The following NEDD9 variants were observed in gnomAD, a reference collection of about 807,000 sequenced individuals.
NEDD9 encodes the protein neural precursor cell expressed, developmentally down-regulated 9.
Under a neutral mutation model 76.6 loss-of-function variants are expected in NEDD9, and 26 were observed. The ratio of observed to expected loss-of-function variants is 0.34; its 90% CI spans 0.25 to 0.47. The LOEUF (loss-of-function observed/expected upper bound fraction) is 0.47. NEDD9 is among the 20% of genes least tolerant of loss of function. NEDD9 has a pLI of 1.00. For missense variants in NEDD9, 937 were observed against 1,058.5 expected (o/e 0.89, Z 1.59); for synonymous variants, 392 against 414.2 (o/e 0.95, Z 0.65).
At position 11,213,387 on chromosome 6, in the gene NEDD9, T is replaced by A. The variant is rs1383592361; in HGVS notation, c.353A>T (p.Tyr118Phe). The A allele has an allele frequency of 6.2e-7, 1 of 1,613,914 alleles. No homozygotes were observed. Among genetic ancestry groups the A allele is most frequent in the Non-Finnish European group, 8.5e-7 (1 of 1,180,014 alleles). Residue 118 changes from tyrosine (Y) to phenylalanine (F), a missense_variant, in exon 2 of 7, where the codon TAC becomes TTC. Coordinates refer to ENST00000379446, the MANE Select transcript of NEDD9 (RefSeq NM_006403.4). This position sits in a 1 kb window ranked among gnomAD's most constrained non-coding sequence, Gnocchi z 5.4. ...VPPSYQNQGIYQVPTGHGTQE... is the reference protein window; with the variant it reads ...VPPSYQNQGIFQVPTGHGTQE... ...GGTGCCGTGGCCAGTGGGGACTTGG[T>A]AAATTCCCTGATTTTGGTAGGAAGG...
At chr6:11,362,233 A>G (rs189572531) in intron 1 of NEDD9, among the ~76,000 whole-genome samples, 5 of 152,338 alleles carry the variant, frequency 3.3e-5, no homozygotes, top group East Asian at 1.9e-4. Context: ...TCTGCAACCC[A>G]GAGGAGGGCC....
rs76837826 is a variant in NEDD9, at chr6:11,194,359, G to A, written c.460-667C>T. 7.9e-3 allele frequency among the ~76,000 whole-genome samples: 1,203 copies of A among 152,268 alleles called. 11 individuals carry two copies. The highest frequency in any genetic ancestry group is 0.027 in the African/African-American group (1,121 of 41,558). On this transcript the variant is annotated intron_variant, in intron 2 of 6. Transcript: ENST00000379446. The stretch of plus-strand genomic sequence containing the variant: ...AGGAGCATTTTGCATCTAAAGTACC[G>A]CATACTGAAATTTGCTTTAAGGCTC...
chr6:11,203,109 G>C (rs3798738), intron 2 of NEDD9, among the ~76,000 whole-genome samples: 31,540 of 152,162 alleles, frequency 0.21, 3,621 homozygotes, highest in African/African-American at 0.27. Context: ...AAGCACCAGC[G>C]AGCAGCTAGA....
At chr6:11,299,970 C>A (rs1760999834) in intron 3 of NEDD9, among the ~76,000 whole-genome samples, 1 of 152,168 alleles carries the variant, frequency 6.6e-6, no homozygotes, top group Non-Finnish European at 1.5e-5. Flanking sequence ...AGGATTGCAG[C>A]CCCTCACCAG....
intron 1 of NEDD9, among the ~76,000 whole-genome samples, chr6:11,344,064 T>G (rs1479289418): frequency 6.6e-6 from 1 of 152,194 alleles, no homozygotes; most frequent in African/African-American, 2.4e-5. Context: ...TAGGCTGCTA[T>G]CTATCACCAA....
chr6:11,235,070 G>A (rs1055931519), upstream of NEDD9, among the ~76,000 whole-genome samples: 4 of 152,064 alleles, frequency 2.6e-5, no homozygotes, highest in Non-Finnish European at 5.9e-5. This position sits in a 1 kb window ranked among gnomAD's most constrained non-coding sequence, Gnocchi z 4.1. Context: ...AATAATACCT[G>A]CTAGCCTCAT....
chr6:11,294,574 G>T (rs764194193), intron 3 of NEDD9, among the ~76,000 whole-genome samples: 6 of 152,120 alleles, frequency 3.9e-5, no homozygotes, highest in Non-Finnish European at 5.9e-5. Context: ...TGTACCGCCT[G>T]CAGAACTGTG....
intron 2 of NEDD9, among the ~76,000 whole-genome samples, chr6:11,322,183 G>A (rs373761986): frequency 5.9e-5 from 9 of 152,126 alleles, no homozygotes; most frequent in East Asian, 1.9e-4. Flanking sequence ...TTGGTGGGCC[G>A]GGGGCAAGGG....
intron 2 of NEDD9, among the ~76,000 whole-genome samples, chr6:11,202,298 A>T (rs1287641297): frequency 6.6e-6 from 1 of 150,824 alleles, no homozygotes; most frequent in Non-Finnish European, 1.5e-5. Flanking sequence ...AAGAGTGTTT[A>T]GCTTTCCAAA....
chr6:11,329,766 G>T (rs541808865), intron 2 of NEDD9, among the ~76,000 whole-genome samples: 1 of 152,184 alleles, frequency 6.6e-6, no homozygotes, highest in South Asian at 2.1e-4. Context: ...TGGGTGGGGG[G>T]GGCGGTGGCT....
chr6:11,351,830 C>T (rs1483528864), intron 1 of NEDD9, among the ~76,000 whole-genome samples: 1 of 152,242 alleles, frequency 6.6e-6, no homozygotes, highest in African/African-American at 2.4e-5. Context: ...ATGTTCTTCT[C>T]TTGTTCATCT....
At position 11,196,297 on chromosome 6, in the gene NEDD9, C is replaced by G. The variant is rs577024516; in HGVS notation, c.460-2605G>C. 1.2e-4 allele frequency among the ~76,000 whole-genome samples: 19 copies of G among 152,238 alleles called. 1 individual carries two copies. In the South Asian group the frequency reaches 3.9e-3, roughly 32 times the overall value. On this transcript the variant is annotated intron_variant, in intron 2 of 6. Transcript: ENST00000379446. The stretch of plus-strand genomic sequence containing the variant: ...CCAGCCTGGGTGACAGAGAGAGACT[C>G]TGTCTCAAAACAAAACAAAACAAAC...
At chr6:11,247,318 G>A (rs1461461018) in intron 3 of NEDD9, among the ~76,000 whole-genome samples, 3 of 152,106 alleles carry the variant, frequency 2.0e-5, no homozygotes, top group Non-Finnish European at 2.9e-5. Context: ...AGTTCAACAC[G>A]GAGTCCTGGT....
chr6:11,267,406 T>C (rs942781659), intron 3 of NEDD9, among the ~76,000 whole-genome samples: 1 of 151,798 alleles, frequency 6.6e-6, no homozygotes, highest in African/African-American at 2.4e-5. Flanking sequence ...AAACCACCAC[T>C]TCCTTGGCTG....
rs899540812 is a variant in NEDD9 at position 11,193,512 on chromosome 6, A to G, written c.561+79T>C. On this transcript the variant is annotated intron_variant, in intron 3 of 6. Coordinates refer to ENST00000379446, the MANE Select transcript of NEDD9 (RefSeq NM_006403.4). Reference sequence around the variant, plus strand: ...ACATATATTAATGCATAATTTGTGAACTCCCTTTTCTCTACAGCCCTGAAG... The same window carrying G: ...ACATATATTAATGCATAATTTGTGAGCTCCCTTTTCTCTACAGCCCTGAAG... 6 of 1,082,092 alleles carry G rather than the reference A, an allele frequency of 5.5e-6. No homozygotes were observed. In the African/African-American group the frequency reaches 9.4e-5, roughly 17 times the overall value. The allele number at this position is 1,082,092 out of a possible 1,614,324, so 67.0% of individuals were successfully genotyped here.
At chr6:11,337,308 T>C (rs921975659) in intron 1 of NEDD9, among the ~76,000 whole-genome samples, 1 of 152,156 alleles carries the variant, frequency 6.6e-6, no homozygotes, top group Non-Finnish European at 1.5e-5. Context: ...TTTTTAAAAA[T>C]AAGGAGAAAT....
chr6:11,193,455 C>A (rs1399196043), intron 3 of NEDD9, 136 bp downstream of exon 3: 23 of 520,278 alleles, frequency 4.4e-5, no homozygotes. Context: ...AAAGTGGCTA[C>A]TGGGTAGACA....
intron 3 of NEDD9, among the ~76,000 whole-genome samples, chr6:11,291,647 G>A (rs866557010): frequency 6.6e-6 from 1 of 152,154 alleles, no homozygotes; most frequent in Non-Finnish European, 1.5e-5. Context: ...GTACTCAAAG[G>A]TGCTTCTCTA....
intron 3 of NEDD9, among the ~76,000 whole-genome samples, chr6:11,263,448 G>C (rs72827177): frequency 1.3e-5 from 2 of 152,178 alleles, no homozygotes; most frequent in African/African-American, 4.8e-5. Context: ...CATTGGATTA[G>C]AAAGTAGTGG....
Sources: allele counts gnomAD v4.1 joint callset (sites outside exome capture counted in the v4.1 genomes callset), GRCh38; gene constraint gnomAD v4.1.1; non-coding constraint Gnocchi (gnomAD v3.1); transcripts MANE v1.5; gene names NCBI Gene and HGNC (gene_info 2026-07-23, HGNC 2026-07-21).